Variants in MSI2 observed in about 807,000 individuals in gnomAD.
The protein encoded by MSI2 is musashi RNA binding protein 2.
A neutral mutation model predicts 45.6 loss-of-function variants in MSI2; 17 were observed. The ratio of observed to expected loss-of-function variants is 0.37; its 90% CI spans 0.26 to 0.56. The LOEUF is 0.56. Ranked by LOEUF, MSI2 falls within the 20% of genes least tolerant of loss-of-function variation. The pLI, the probability that MSI2 is intolerant of heterozygous loss-of-function variation, is 0.77. For synonymous variants in MSI2, 156 were observed against 158.2 expected (o/e 0.99, Z 0.11); for missense variants, 293 against 444.2 (o/e 0.66, Z 3.06).
chr17:57,362,651 A>G (rs1916894658), intron 5 of MSI2, among the ~76,000 whole-genome samples: 2 of 152,020 alleles, frequency 1.3e-5, no homozygotes, highest in Admixed American at 1.3e-4. Context: ...CTAGGGGGGA[A>G]AAAAGTGCCA....
At chr17:57,634,569 C>A (rs900937596) in intron 10 of MSI2, among the ~76,000 whole-genome samples, 1 of 151,948 alleles carries the variant, frequency 6.6e-6, no homozygotes, top group Non-Finnish European at 1.5e-5. Context: ...AACTGGGTCT[C>A]AAAAAGCCAA....
intron 5 of MSI2, among the ~76,000 whole-genome samples, chr17:57,291,051 G>T (rs1910376468): frequency 6.6e-6 from 1 of 152,212 alleles, no homozygotes; most frequent in South Asian, 2.1e-4. Context: ...GGGAAGACTT[G>T]TCTCCTCTGG....
the MSI2 span, among the ~76,000 whole-genome samples, chr17:57,698,410 A>C: frequency 6.6e-6 from 1 of 151,882 alleles, no homozygotes; most frequent in Non-Finnish European, 1.5e-5. Flanking sequence ...TCCCTGGCCC[A>C]TCCCTGCCTC....
At chr17:57,674,652 G>A (rs1913088407) in intron 11 of MSI2, among the ~76,000 whole-genome samples, 1 of 151,852 alleles carries the variant, frequency 6.6e-6, no homozygotes, top group South Asian at 2.1e-4. Context: ...TTTCTATTGT[G>A]ATAATTTGGT....
At chr17:57,282,599 C>A (rs1414534632) in intron 5 of MSI2, among the ~76,000 whole-genome samples, 2 of 152,072 alleles carry the variant, frequency 1.3e-5, no homozygotes, top group Non-Finnish European at 2.9e-5. Context: ...CATTTCCCTG[C>A]TTCCTCTCCC....
At chr17:57,618,121 G>A (rs952239884) in intron 9 of MSI2, 3 of 147,982 alleles carry the variant, frequency 2.0e-5, no homozygotes, top group African/African-American at 7.4e-5. Context: ...GGGTGTGGTG[G>A]CGTGCACCTA....
At chr17:57,646,140 G>A (rs928971678) in intron 10 of MSI2, among the ~76,000 whole-genome samples, 3 of 152,170 alleles carry the variant, frequency 2.0e-5, no homozygotes, top group Non-Finnish European at 4.4e-5. Flanking sequence ...GAAGACTCTG[G>A]GCTAGGTCCT....
chr17:57,404,077 C>T (rs1258791645), intron 6 of MSI2, among the ~76,000 whole-genome samples: 1 of 152,116 alleles, frequency 6.6e-6, no homozygotes, highest in South Asian at 2.1e-4. Context: ...GAGGTGTATG[C>T]GAGTGCAAAG....
At chr17:57,386,109 A>G (rs2083681782) in intron 5 of MSI2, among the ~76,000 whole-genome samples, 2 of 152,178 alleles carry the variant, frequency 1.3e-5, no homozygotes, top group Non-Finnish European at 1.5e-5. Flanking sequence ...AGAGTCACCA[A>G]TGGTCTTTTT....
chr17:57,656,749 C>A (rs1019518738), intron 11 of MSI2, among the ~76,000 whole-genome samples: 10 of 152,130 alleles, frequency 6.6e-5, no homozygotes, highest in African/African-American at 2.4e-4. Flanking sequence ...GAGGAACCAC[C>A]CCTAGTTTCC....
intron 7 of MSI2, among the ~76,000 whole-genome samples, chr17:57,537,550 T>C (rs767705449): frequency 2.0e-5 from 3 of 152,166 alleles, no homozygotes; most frequent in African/African-American, 7.2e-5. Flanking sequence ...TTTGAAAACA[T>C]GTAGAGGAGG....
chr17:57,622,173 G>T lies in MSI2; in HGVS notation c.653-5056G>T, dbSNP rs147788646. ...GATCACACCACTGCACTCCAGCCTG[G>T]GTGACAGTGCAAGATTCCATCTCAA... On this transcript the variant is annotated intron_variant, in intron 9 of 13. Transcript: ENST00000284073. Among the ~76,000 whole-genome samples, 9 of 152,278 alleles carry T rather than the reference G, an allele frequency of 5.9e-5. 1 individual carries two copies. The East Asian group carries it at 1.7e-3, about 29-fold the overall frequency.
At chr17:57,684,791 T>C, downstream of MSI2, 1 of 152,128 alleles carries the variant, frequency 6.6e-6, no homozygotes, top group Non-Finnish European at 1.5e-5. Context: ...CCTGCCACCC[T>C]CACCCCTCAG....
At chr17:57,472,747 C>T (rs114460415) in intron 6 of MSI2, among the ~76,000 whole-genome samples, 2,254 of 152,294 alleles carry the variant, frequency 0.015, 62 homozygotes, top group African/African-American at 0.051. Context: ...ACGTCGTAAA[C>T]ACTATGTGGT....
chr17:57,486,288 C>G (rs1046873606), intron 6 of MSI2, among the ~76,000 whole-genome samples: 2 of 152,202 alleles, frequency 1.3e-5, no homozygotes, highest in Admixed American at 1.3e-4. Flanking sequence ...ACAAGGGGCT[C>G]TCTCCTAGCC....
intron 5 of MSI2, among the ~76,000 whole-genome samples, chr17:57,372,886 G>A (rs567355269): frequency 5.9e-5 from 9 of 151,898 alleles, no homozygotes; most frequent in African/African-American, 2.2e-4. Context: ...AAGAGGGATC[G>A]ATCGTATTGA....
At chr17:57,402,156 T>G (rs1217784042) in intron 6 of MSI2, among the ~76,000 whole-genome samples, 1 of 152,192 alleles carries the variant, frequency 6.6e-6, no homozygotes, top group Non-Finnish European at 1.5e-5. Context: ...AGGTGTTTAA[T>G]TCGGCCTCTT....
intron 5 of MSI2, among the ~76,000 whole-genome samples, chr17:57,306,092 G>T (rs989364272): frequency 1.6e-4 from 25 of 151,986 alleles, no homozygotes; most frequent in African/African-American, 5.6e-4. Flanking sequence ...GCCATACAGA[G>T]TAGAGAGAAG....
intron 6 of MSI2, among the ~76,000 whole-genome samples, chr17:57,467,278 A>G (rs746794851): frequency 6.6e-6 from 1 of 152,222 alleles, no homozygotes; most frequent in Non-Finnish European, 1.5e-5. Context: ...CTGGCCATGT[A>G]GAGATGATTG....
Sources: gnomAD v4.1 joint callset for allele counts (sites outside exome capture counted in the v4.1 genomes callset) on GRCh38, gnomAD v4.1.1 for gene constraint, MANE v1.5 for transcripts, NCBI Gene and HGNC (gene_info 2026-07-23, HGNC 2026-07-21) for gene names.